Variants in JADE2 observed in about 807,000 individuals in gnomAD.
JADE2 encodes E3 ubiquitin-protein ligase Jade-2.
Under a neutral mutation model 85.7 loss-of-function variants are expected in JADE2, and 13 were observed. That is an observed-to-expected ratio of 0.15 (90% confidence interval 0.10 to 0.24). The LOEUF is 0.24. Ranked by LOEUF, JADE2 falls within the 10% of genes least tolerant of loss-of-function variation. The pLI, the probability that JADE2 is intolerant of heterozygous loss-of-function variation, is 1.00. For missense variants in JADE2, 846 were observed against 1,115.9 expected (o/e 0.76, Z 3.45); for synonymous variants, 440 against 456.1 (o/e 0.96, Z 0.45).
chr5:134,552,246 C>CAGGGGAGGA lies in JADE2; in HGVS notation c.311+46_311+54dup. Reference sequence around the variant, plus strand: ...AGCCCAGGCTAGGGGGCCATTGGGACAGGGGAGGAAGGGGAGGCTGCTTTC... The same window carrying CAGGGGAGGA: ...AGCCCAGGCTAGGGGGCCATTGGGACAGGGGAGGAAGGGGAGGAAGGGGAGGCTGCTTTC... On this transcript the variant is annotated intron_variant, in intron 4 of 11. Coordinates refer to ENST00000681547, the MANE Select transcript of JADE2 (RefSeq NM_001388185.1). 2 of 1,589,888 alleles carry CAGGGGAGGA rather than the reference C, an allele frequency of 1.3e-6. 1 individual carries two copies. The highest frequency in any genetic ancestry group is 1.7e-6 in the Non-Finnish European group (2 of 1,167,536).
At chr5:134,570,811 G>C (rs1763950873) in intron 9 of JADE2, among the ~76,000 whole-genome samples, 1 of 152,180 alleles carries the variant, frequency 6.6e-6, no homozygotes, top group Non-Finnish European at 1.5e-5. Context: ...CCCAGGGCTG[G>C]AGACCTCAGG....
At chr5:134,575,958 T>C (rs745766175) in intron 10 of JADE2, among the ~76,000 whole-genome samples, 2 of 152,130 alleles carry the variant, frequency 1.3e-5, no homozygotes, top group Non-Finnish European at 2.9e-5. Context: ...CCCAGCACTT[T>C]GGGAGGCCAA....
intron 9 of JADE2, among the ~76,000 whole-genome samples, chr5:134,567,970 T>TA (rs1213895008): frequency 2.0e-5 from 3 of 152,196 alleles, no homozygotes; most frequent in African/African-American, 4.8e-5. Flanking sequence ...GCATCAGGTG[T>TA]AAGACCTTCT....
intron 3 of JADE2, among the ~76,000 whole-genome samples, chr5:134,543,369 A>G (rs1189475494): frequency 6.7e-6 from 1 of 149,858 alleles, no homozygotes; most frequent in Non-Finnish European, 1.5e-5. Context: ...ATTGGGATCC[A>G]GGGTTAAGAA....
At chr5:134,570,392 C>T (rs115879083) in intron 9 of JADE2, among the ~76,000 whole-genome samples, 10 of 152,318 alleles carry the variant, frequency 6.6e-5, no homozygotes, top group African/African-American at 2.2e-4. Flanking sequence ...TTCTTCATCC[C>T]CTCTGCGGGT....
chr5:134,535,411 C>A (rs329125), intron 1 of JADE2, among the ~76,000 whole-genome samples: 32,840 of 152,040 alleles, frequency 0.22, 3,965 homozygotes, highest in East Asian at 0.54. Flanking sequence ...TAACTTCCGA[C>A]AGCATGGTCC....
intron 4 of JADE2, 65 bp from the exon 5 acceptor site, chr5:134,559,765 C>T: frequency 6.5e-7 from 1 of 1,536,784 alleles, no homozygotes; most frequent in Non-Finnish European, 8.8e-7. Context: ...GGTCAGCTCC[C>T]TGGAGCCCCT....
At chr5:134,574,769 C>G (rs1447130721) in intron 10 of JADE2, 1 of 151,940 alleles carries the variant, frequency 6.6e-6, no homozygotes, top group Admixed American at 6.5e-5. Flanking sequence ...TTCCAGGCCC[C>G]CTATCTTCTG....
chr5:134,558,800 A>G (rs1327672022), intron 4 of JADE2, among the ~76,000 whole-genome samples: 1 of 152,212 alleles, frequency 6.6e-6, no homozygotes, highest in Non-Finnish European at 1.5e-5. Context: ...GGACTCCCAA[A>G]ATGCTGGGAT....
chr5:134,551,246 T>A (rs553023917), intron 3 of JADE2, among the ~76,000 whole-genome samples: 1 of 152,196 alleles, frequency 6.6e-6, no homozygotes, highest in African/African-American at 2.4e-5. Flanking sequence ...GTTTTGATCT[T>A]TTGAGACAGG....
At chr5:134,544,788 C>T (rs1323633527) in intron 3 of JADE2, among the ~76,000 whole-genome samples, 2 of 152,142 alleles carry the variant, frequency 1.3e-5, no homozygotes, top group East Asian at 1.9e-4. Context: ...CCTTGAAAGT[C>T]CCTCTATATG....
At chr5:134,558,514 G>A (rs907212249) in intron 4 of JADE2, among the ~76,000 whole-genome samples, 3 of 152,116 alleles carry the variant, frequency 2.0e-5, no homozygotes, top group Admixed American at 1.3e-4. Context: ...TATGGTTTTA[G>A]GTCTAACGTT....
intron 8 of JADE2, 87 bp downstream of exon 8, chr5:134,564,697 C>G (rs912697917): frequency 1.2e-6 from 1 of 828,078 alleles, no homozygotes; most frequent in Non-Finnish European, 1.9e-6. Context: ...CCACCTTCTC[C>G]CCTCCATGGG....
intron 4 of JADE2, among the ~76,000 whole-genome samples, chr5:134,557,468 G>A (rs1356646880): frequency 1.2e-4 from 16 of 129,714 alleles, no homozygotes; most frequent in South Asian, 5.4e-4. Flanking sequence ...CCATGCTGGC[G>A]CGCTGCACCC....
At position 134,566,334 on chromosome 5, in the gene JADE2, G is replaced by T. The variant is rs762681690; in HGVS notation, c.1188G>T (p.Arg396=). 8 of 1,613,930 alleles carry T rather than the reference G, an allele frequency of 5.0e-6. 1 individual carries two copies. In the East Asian group the frequency reaches 1.8e-4, roughly 36 times the overall value. ...DLEKVTLRKQ[R]LQQLEEDFYE... Reference sequence around the variant, plus strand: ...AAAAGGTGACCCTGCGCAAGCAGCGGCTGCAGCAGCTAGAGGAGGACTTCT... The same window carrying T: ...AAAAGGTGACCCTGCGCAAGCAGCGTCTGCAGCAGCTAGAGGAGGACTTCT... The change falls in exon 9 of 12, where the codon CGG becomes CGT. Residue 396 remains arginine, a synonymous_variant. Coordinates refer to ENST00000681547, the MANE Select transcript of JADE2 (RefSeq NM_001388185.1). This position sits in a 1 kb window ranked among gnomAD's most constrained non-coding sequence, Gnocchi z 6.7.
chr5:134,533,997 C>T (rs948590086), intron 1 of JADE2, among the ~76,000 whole-genome samples: 4 of 152,250 alleles, frequency 2.6e-5, no homozygotes, highest in South Asian at 4.1e-4. Flanking sequence ...CCTCCAGCCC[C>T]GGCCTCCCAA....
At chr5:134,552,251 G>A in intron 4 of JADE2, 42 bp downstream of exon 4, 11 of 1,573,564 alleles carry the variant, frequency 7.0e-6, no homozygotes, top group Non-Finnish European at 9.5e-6. Flanking sequence ...TGGGACAGGG[G>A]AGGAAGGGGA....
rs1760778277 is a variant in JADE2, at chr5:134,525,915, C to CT, written c.-97_-96insT. ...GCCCCCCGCCCTCCCGCGCCGGCCC[C>CT]AGGAGCTCCCGGCTTCGGGAGCATC... On this transcript the variant is annotated 5_prime_UTR_variant, in exon 1 of 12. An upstream open reading frame in the 5' UTR gains an earlier in-frame stop. Transcript: ENST00000681547. 1.0e-6 allele frequency: 1 copy of CT among 985,726 alleles called. No homozygotes were observed. Among genetic ancestry groups the CT allele is most frequent in the African/African-American group, 1.7e-5 (1 of 57,148 alleles). The allele number at this position is 985,726 out of a possible 1,614,324, so 61.1% of individuals were successfully genotyped here. A position where few individuals can be genotyped will look rare whatever the true frequency, so the allele number is the denominator to read the frequency against.
Position 134,566,142 on chromosome 5 carries a change from G to C in JADE2, c.996G>C (p.Ala332=), listed in dbSNP as rs372736198. The C allele has an allele frequency of 6.2e-7, 1 of 1,613,634 alleles. No individual in the cohort carries two copies. Among genetic ancestry groups the C allele is most frequent in the Non-Finnish European group, 8.5e-7 (1 of 1,179,912 alleles). Residue 332 remains alanine (A), a synonymous_variant, in exon 9 of 12, where the codon GCG becomes GCC. Transcript: ENST00000681547. This position sits in a 1 kb window ranked among gnomAD's most constrained non-coding sequence, Gnocchi z 6.7. The part of the protein sequence containing the change: ...IQCSMPSCVT[A]FHVTCAFDHG... ...GTTCCATGCCTTCCTGCGTCACAGC[G>C]TTCCATGTCACATGCGCCTTTGACC...
Sources: allele counts gnomAD v4.1 joint callset (sites outside exome capture counted in the v4.1 genomes callset), GRCh38; gene constraint gnomAD v4.1.1; non-coding constraint Gnocchi (gnomAD v3.1); transcripts MANE v1.5; gene names NCBI Gene and HGNC (gene_info 2026-07-23, HGNC 2026-07-21).